The following RBM47 variants were observed in gnomAD, a reference collection of about 807,000 sequenced individuals.
RBM47 encodes the protein RNA-binding protein 47.
In RBM47, 21 loss-of-function variants were observed where a neutral mutation model predicts 47.1. The observed-to-expected ratio is 0.45, with a 90% CI of 0.32 to 0.64. The LOEUF (loss-of-function observed/expected upper bound fraction) is 0.64. RBM47 is among the 30% of genes least tolerant of loss of function. The probability of loss-of-function intolerance (pLI) is 0.05; values close to 1 mark genes in which losing one functional copy is unlikely to be tolerated. For missense variants in RBM47, 708 were observed against 870.9 expected (o/e 0.81, Z 2.35); for synonymous variants, 375 against 361.7 (o/e 1.04, Z -0.42).
At position 40,605,647 on chromosome 4, in the gene RBM47, A is replaced by T. The variant is rs541439962; in HGVS notation, c.-240+23749T>A. On this transcript the variant is annotated intron_variant, in intron 1 of 6. Coordinates refer to ENST00000295971, the MANE Select transcript of RBM47 (RefSeq NM_001098634.2). Reference sequence around the variant, plus strand: ...GGAGTTTGAGACCAGCCTGGCCAACATGGTGAAACCCCGTCTCTACTAAAA... The same window carrying T: ...GGAGTTTGAGACCAGCCTGGCCAACTTGGTGAAACCCCGTCTCTACTAAAA... Among the ~76,000 whole-genome samples the T allele has an allele frequency of 7.6e-4, 115 of 152,048 alleles. 4 individuals carry two copies. In the South Asian group the frequency reaches 0.023, roughly 30 times the overall value.
rs1714954193 is a variant in RBM47, at chr4:40,425,946, A to G, written c.1740T>C (p.Ala580=). The stretch of plus-strand genomic sequence containing the variant: ...CGTCGGGGATGGGGACCTGAATGGC[A>G]GCAGCAGGGAAGGCCTGAGGTATGT... ...AGYIPQAFPA[A]AIQVPIPDVY... is the part of the protein sequence containing the mutation. The change falls in exon 7 of 7, where the codon GCT becomes GCC. Residue 580 remains alanine (A), a synonymous_variant. Coordinates refer to ENST00000295971, the MANE Select transcript of RBM47 (RefSeq NM_001098634.2). 6.2e-7 allele frequency: 1 copy of G among 1,614,102 alleles called. No individual in the cohort carries two copies. The highest frequency in any genetic ancestry group is 2.2e-5 in the East Asian group (1 of 44,898).
intron 2 of RBM47, among the ~76,000 whole-genome samples, chr4:40,469,639 T>C (rs1718558629): frequency 6.6e-6 from 1 of 150,450 alleles, no homozygotes; most frequent in Non-Finnish European, 1.5e-5. Flanking sequence ...ATGAAATAGA[T>C]TGTGTTTGGA....
At chr4:40,625,946 G>C (rs1191135142) in intron 1 of RBM47, among the ~76,000 whole-genome samples, 1 of 152,124 alleles carries the variant, frequency 6.6e-6, no homozygotes, top group East Asian at 1.9e-4. Context: ...TCCCTGAAAT[G>C]GCCTTCAGAA....
intron 3 of RBM47, among the ~76,000 whole-genome samples, chr4:40,452,661 C>T (rs2154219734): frequency 6.7e-6 from 1 of 150,010 alleles, no homozygotes; most frequent in East Asian, 2.0e-4. Context: ...TAAACATCCG[C>T]CTTTTCATAA....
chr4:40,557,092 A>C (rs986659002), intron 1 of RBM47, among the ~76,000 whole-genome samples: 5 of 152,012 alleles, frequency 3.3e-5, no homozygotes, highest in African/African-American at 1.2e-4. Flanking sequence ...CTGTCCCCTA[A>C]ATTCATTATT....
At chr4:40,573,795 G>GAAAGAAAGAAAA (rs1553903525) in intron 1 of RBM47, among the ~76,000 whole-genome samples, 1 of 51,032 alleles carries the variant, frequency 2.0e-5, no homozygotes, top group African/African-American at 2.9e-4. Flanking sequence ...GAGAGAGAGA[G>GAAAGAAAGAAAA]AGAAAGAAAG....
At chr4:40,600,589 G>C (rs552225444) in intron 1 of RBM47, among the ~76,000 whole-genome samples, 93 of 150,220 alleles carry the variant, frequency 6.2e-4, no homozygotes, top group African/African-American at 2.2e-3. Context: ...AGCGGAGATC[G>C]CTCCACTGCA....
chr4:40,572,037 A>T (rs1229039122), intron 1 of RBM47, among the ~76,000 whole-genome samples: 1 of 149,764 alleles, frequency 6.7e-6, no homozygotes, highest in Non-Finnish European at 1.5e-5. Context: ...AGAAAAAAAA[A>T]AAGAATTTAT....
intron 1 of RBM47, among the ~76,000 whole-genome samples, chr4:40,594,448 C>A (rs114031180): frequency 0.031 from 4,740 of 152,202 alleles, 262 homozygotes; most frequent in African/African-American, 0.11. Flanking sequence ...AGCTTGGTCT[C>A]GAAAGCTCTC....
At chr4:40,611,941 A>T (rs1736299932) in intron 1 of RBM47, among the ~76,000 whole-genome samples, 1 of 152,182 alleles carries the variant, frequency 6.6e-6, no homozygotes, top group African/African-American at 2.4e-5. Context: ...AAAATAATCA[A>T]GCGTTGAGTC....
chr4:40,437,121 T>TATATATTAC (rs1560357445), intron 4 of RBM47, among the ~76,000 whole-genome samples: 24 of 89,730 alleles, frequency 2.7e-4, no homozygotes, highest in African/African-American at 1.3e-3. Flanking sequence ...AAAATACATA[T>TATATATTAC]ATATATATAT....
intron 3 of RBM47, among the ~76,000 whole-genome samples, chr4:40,458,137 T>C (rs1716572418): frequency 6.6e-6 from 1 of 152,238 alleles, no homozygotes; most frequent in Non-Finnish European, 1.5e-5. Flanking sequence ...TGTGTTATAT[T>C]ACACATGAAT....
chr4:40,438,783 C>A lies in RBM47; in HGVS notation c.111G>T (p.Ala37=), dbSNP rs749676324. 3 of 1,559,932 alleles carry A rather than the reference C, an allele frequency of 1.9e-6. No homozygotes were observed. The highest frequency in any genetic ancestry group is 2.6e-6 in the Non-Finnish European group (3 of 1,157,734). ...AGAPNEAALL[A]LMERTGYSMV... ...TGCTGTAGCCCGTGCGCTCCATCAG[C>A]GCCAGCAGTGCTGCCTCGTTGGGCG... Residue 37 remains alanine, a synonymous_variant, in exon 4 of 7, where the codon GCG becomes GCT. Coordinates refer to ENST00000295971, the MANE Select transcript of RBM47 (RefSeq NM_001098634.2).
chr4:40,596,978 C>T (rs116656633), intron 1 of RBM47, among the ~76,000 whole-genome samples: 1,563 of 152,146 alleles, frequency 0.01, 32 homozygotes, highest in African/African-American at 0.035. Context: ...TTTAATTTAT[C>T]GGCCGGGCGC....
intron 1 of RBM47, among the ~76,000 whole-genome samples, chr4:40,622,342 T>G (rs984876473): frequency 6.6e-5 from 10 of 152,142 alleles, no homozygotes; most frequent in Non-Finnish European, 1.2e-4. Context: ...CATGGAGATG[T>G]CTGGGGATGA....
intron 1 of RBM47, among the ~76,000 whole-genome samples, chr4:40,554,342 G>GT (rs970121869): frequency 4.1e-5 from 6 of 147,678 alleles, no homozygotes; most frequent in South Asian, 2.1e-4. Context: ...TGCTTCTAAC[G>GT]TAAGTCAAAT....
At position 40,437,967 on chromosome 4, in the gene RBM47, C is replaced by T. The variant is rs576952933; in HGVS notation, c.927G>A (p.Ser309=). 2 of 1,613,474 alleles carry T rather than the reference C, an allele frequency of 1.2e-6. No homozygotes were observed. Among genetic ancestry groups the T allele is most frequent in the East Asian group, 2.2e-5 (1 of 44,878 alleles). ...GCTTGGCCAGCGTGACCTCCAGGCACGAGCCCTCCAGCTCAGTGCCGTTGA... is the reference window on the plus strand; with the variant it reads ...GCTTGGCCAGCGTGACCTCCAGGCATGAGCCCTCCAGCTCAGTGCCGTTGA... ...NNLNGTELEG[S]CLEVTLAKPV... Residue 309 remains serine, a synonymous_variant, in exon 4 of 7, where the codon TCG becomes TCA. Coordinates refer to ENST00000295971, the MANE Select transcript of RBM47 (RefSeq NM_001098634.2).
At chr4:40,610,661 T>C (rs962790373) in intron 1 of RBM47, among the ~76,000 whole-genome samples, 1 of 150,668 alleles carries the variant, frequency 6.6e-6, no homozygotes, top group Non-Finnish European at 1.5e-5. Flanking sequence ...ACACATGCTA[T>C]GTGACATGGT....
At chr4:40,581,145 G>C (rs761413759) in intron 1 of RBM47, among the ~76,000 whole-genome samples, 4 of 152,118 alleles carry the variant, frequency 2.6e-5, no homozygotes, top group Non-Finnish European at 4.4e-5. Context: ...GAGAAAGCCG[G>C]GCACGGTGGC....
Sources: gnomAD v4.1 joint callset for allele counts (sites outside exome capture counted in the v4.1 genomes callset) on GRCh38, gnomAD v4.1.1 for gene constraint, MANE v1.5 for transcripts, NCBI Gene and HGNC (gene_info 2026-07-23, HGNC 2026-07-21) for gene names.